Variants in CALN1 observed in about 807,000 individuals in gnomAD.
The protein encoded by CALN1 is calneuron 1.
In CALN1, 17 loss-of-function variants were observed where a neutral mutation model predicts 30.6. That is an observed-to-expected ratio of 0.56 (90% CI 0.38 to 0.83). The LOEUF is 0.83. CALN1 is among the 40% of genes least tolerant of loss of function. The pLI is 0.00. For synonymous variants in CALN1, 156 were observed against 131.4 expected (o/e 1.19, Z -1.28); for missense variants, 291 against 354.9 (o/e 0.82, Z 1.45).
At chr7:71,967,644 A>G (rs1355868880) in intron 5 of CALN1, among the ~76,000 whole-genome samples, 2 of 144,252 alleles carry the variant, frequency 1.4e-5, no homozygotes, top group Non-Finnish European at 3.0e-5. Flanking sequence ...AAAAAAAAAG[A>G]AAGAAAAGAA....
the CALN1 span, among the ~76,000 whole-genome samples, chr7:72,483,495 G>C: frequency 6.6e-6 from 1 of 151,938 alleles, no homozygotes; most frequent in South Asian, 2.1e-4. Context: ...ATGTTGGCCA[G>C]GCTGGTCTTG....
In CALN1 at chr7:72,278,592, G is replaced by A. The variant is rs1797517804; in HGVS notation, c.244+94C>T. 7 of 1,538,264 alleles carry A rather than the reference G, an allele frequency of 4.6e-6. No individual in the cohort carries two copies. In the East Asian group the frequency reaches 1.6e-4, roughly 35 times the overall value. On this transcript the variant is annotated intron_variant, in intron 3 of 6. Transcript: ENST00000395275. Reference sequence around the variant, plus strand: ...CACTTGGCCACAACTGCCAAGGAGTGGCCAAAGTCCAGGGCTTTCAATTGA... The same window carrying A: ...CACTTGGCCACAACTGCCAAGGAGTAGCCAAAGTCCAGGGCTTTCAATTGA...
chr7:71,800,406 G>A (rs1007289646), intron 6 of CALN1, among the ~76,000 whole-genome samples: 17 of 152,128 alleles, frequency 1.1e-4, no homozygotes, highest in African/African-American at 4.1e-4. Flanking sequence ...CCCTCATATG[G>A]AAGCGCTGAG....
At chr7:72,116,604 C>T (rs1217576191) in intron 3 of CALN1, among the ~76,000 whole-genome samples, 1 of 152,138 alleles carries the variant, frequency 6.6e-6, no homozygotes, top group African/African-American at 2.4e-5. Flanking sequence ...AAGGGCACAG[C>T]TAGCACTAGC....
chr7:72,112,068 A>G (rs978199258), intron 3 of CALN1, among the ~76,000 whole-genome samples: 2 of 152,134 alleles, frequency 1.3e-5, no homozygotes, highest in African/African-American at 4.8e-5. Flanking sequence ...TTCTTAAAAA[A>G]AAGTCTGCAT....
intron 3 of CALN1, among the ~76,000 whole-genome samples, chr7:72,245,795 T>C (rs1214933991): frequency 6.6e-6 from 1 of 152,172 alleles, no homozygotes; most frequent in Non-Finnish European, 1.5e-5. Context: ...GGCTGATGCC[T>C]CAGCAAAACT....
chr7:71,784,238 C>A lies in CALN1; in HGVS notation c.*3537G>T, dbSNP rs1431778058. 1 of 152,148 alleles carries A rather than the reference C, an allele frequency of 6.6e-6. No homozygotes were observed. The highest frequency in any genetic ancestry group is 1.5e-5 in the Non-Finnish European group (1 of 68,040). The allele number at this position is 152,148 out of a possible 1,614,324, so 9.4% of individuals were successfully genotyped here. On this transcript the variant is annotated 3_prime_UTR_variant, in exon 7 of 7. Coordinates refer to ENST00000395275, the MANE Select transcript of CALN1 (RefSeq NM_031468.4). Reference sequence around the variant, plus strand: ...TCCTGAGTAAATAGAAGGACAAGTTCAAATGCCAGACAAAAAGGCAGAGAT... The same window carrying A: ...TCCTGAGTAAATAGAAGGACAAGTTAAAATGCCAGACAAAAAGGCAGAGAT...
intron 2 of CALN1, among the ~76,000 whole-genome samples, chr7:72,342,437 G>A (rs945562575): frequency 6.6e-6 from 1 of 152,120 alleles, no homozygotes; most frequent in Admixed American, 6.5e-5. Flanking sequence ...TGGTCAAAAT[G>A]TGTCAGCTCC....
intron 1 of CALN1, among the ~76,000 whole-genome samples, chr7:72,408,548 A>AAGGC (rs1562955604): frequency 6.6e-6 from 1 of 152,170 alleles, no homozygotes; most frequent in East Asian, 1.9e-4. Context: ...CAAAACCAAC[A>AAGGC]AGGCCCTGGT....
At position 72,249,959 on chromosome 7, in the gene CALN1, AAG is replaced by A. The variant is rs1554337553; in HGVS notation, c.244+28725_244+28726del. Among the ~76,000 whole-genome samples, 1,284 of 147,606 alleles carry A rather than the reference AAG, an allele frequency of 8.7e-3. 31 individuals carry two copies. Among genetic ancestry groups the A allele is most frequent in the Middle Eastern group, 0.025 (7 of 278 alleles). On this transcript the variant is annotated intron_variant, in intron 3 of 6. Coordinates refer to ENST00000395275, the MANE Select transcript of CALN1 (RefSeq NM_031468.4). ...CTCAAAACAAACCAAAAAAAAAAAAAAGAGAGAGAGAGAGAGAGAGAAATAGA... is the reference window on the plus strand; with the variant it reads ...CTCAAAACAAACCAAAAAAAAAAAAAAGAGAGAGAGAGAGAGAGAAATAGA...
At chr7:72,028,239 T>C (rs903680749) in intron 4 of CALN1, among the ~76,000 whole-genome samples, 1 of 151,402 alleles carries the variant, frequency 6.6e-6, no homozygotes, top group Non-Finnish European at 1.5e-5. Context: ...CTTTGAACAG[T>C]GCACCTTCAA....
Position 72,403,450 on chromosome 7 carries a change from G to C in CALN1, c.-73-8C>G, listed in dbSNP as rs145404322. The C allele has an allele frequency of 2.6e-6, 3 of 1,155,644 alleles. No homozygotes were observed. Among genetic ancestry groups the C allele is most frequent in the Admixed American group, 2.4e-5 (1 of 41,244 alleles). The allele number at this position is 1,155,644 out of a possible 1,614,324, so 71.6% of individuals were successfully genotyped here. A position where few individuals can be genotyped will look rare whatever the true frequency, so the allele number is the denominator to read the frequency against. On this transcript the variant is annotated splice_region_variant and splice_polypyrimidine_tract_variant and intron_variant, in intron 1 of 6. Coordinates refer to ENST00000395275, the MANE Select transcript of CALN1 (RefSeq NM_031468.4). ...AGCGAAGGCACTGAGACTCTGAAAG[G>C]AGTTGACAGAAACTTACAGCCTGCA... is the stretch of plus-strand genomic sequence containing the variant.
intron 3 of CALN1, among the ~76,000 whole-genome samples, chr7:72,238,372 G>T (rs895671409): frequency 6.6e-6 from 1 of 151,982 alleles, no homozygotes; most frequent in African/African-American, 2.4e-5. Context: ...ATGGTATAAT[G>T]AATTTATTTC....
chr7:71,830,775 C>T (rs751856242), intron 5 of CALN1, among the ~76,000 whole-genome samples: 4 of 152,180 alleles, frequency 2.6e-5, no homozygotes, highest in Non-Finnish European at 5.9e-5. Context: ...CTTAGCTTCC[C>T]TGTGAAAAAT....
chr7:72,366,678 A>G (rs576992609), intron 2 of CALN1, among the ~76,000 whole-genome samples: 3 of 152,234 alleles, frequency 2.0e-5, no homozygotes, highest in South Asian at 4.2e-4. Context: ...CATATAATGA[A>G]TATTATTAAT....
chr7:72,194,272 G>A (rs1376182566), intron 3 of CALN1, among the ~76,000 whole-genome samples: 3 of 152,200 alleles, frequency 2.0e-5, no homozygotes, highest in Non-Finnish European at 2.9e-5. Flanking sequence ...GCTCATGCCT[G>A]TAATCCCAGC....
At chr7:72,041,783 G>A (rs1403543921) in intron 4 of CALN1, among the ~76,000 whole-genome samples, 1 of 152,144 alleles carries the variant, frequency 6.6e-6, no homozygotes, top group African/African-American at 2.4e-5. Flanking sequence ...TTCTCGTGCT[G>A]TTCTCAAAAC....
chr7:72,130,201 C>T (rs1357561807), intron 3 of CALN1, among the ~76,000 whole-genome samples: 1 of 152,134 alleles, frequency 6.6e-6, no homozygotes, highest in Non-Finnish European at 1.5e-5. Flanking sequence ...TTTACAGCCA[C>T]CAGAATCATG....
chr7:71,822,807 C>T (rs1788673485), intron 5 of CALN1, among the ~76,000 whole-genome samples: 2 of 152,142 alleles, frequency 1.3e-5, no homozygotes, highest in Non-Finnish European at 2.9e-5. Flanking sequence ...TTTATGATGA[C>T]ACATTTTCTA....
Sources: allele counts gnomAD v4.1 joint callset (sites outside exome capture counted in the v4.1 genomes callset), GRCh38; gene constraint gnomAD v4.1.1; transcripts MANE v1.5; gene names NCBI Gene and HGNC (gene_info 2026-07-23, HGNC 2026-07-21).